KREMEN1: variants seen among roughly 807,000 people sequenced by gnomAD.
The protein encoded by KREMEN1 is kremen protein 1.
A neutral mutation model predicts 46.5 loss-of-function variants in KREMEN1; 30 were observed. The observed-to-expected ratio is 0.65, with a 90% CI of 0.48 to 0.88. The LOEUF is 0.88. KREMEN1 is among the 40% of genes least tolerant of loss of function. KREMEN1 has a pLI of 0.00. For synonymous variants in KREMEN1, 214 were observed against 230.6 expected, an observed-to-expected ratio of 0.93 and a Z score of 0.65; for missense variants, 533 against 596.9, an observed-to-expected ratio of 0.89 and a Z score of 1.11.
At chr22:29,122,721 C>T (rs1056878595) in intron 4 of KREMEN1, among the ~76,000 whole-genome samples, 1 of 151,516 alleles carries the variant, frequency 6.6e-6, no homozygotes, top group Non-Finnish European at 1.5e-5. Context: ...GGGTGGATCA[C>T]GAGGTCAGGA....
At position 29,126,634 on chromosome 22, in the gene KREMEN1, G is replaced by A. The variant is rs142384605; in HGVS notation, c.631+1218G>A. ...TCACAGGTACCAGGTGTTAGGACTC[G>A]AACTTATCTTTCTAGGGGACACAAT... On this transcript the variant is annotated intron_variant, in intron 5 of 8. Coordinates refer to ENST00000400335, the MANE Select transcript of KREMEN1 (RefSeq NM_001039570.3). Among the ~76,000 whole-genome samples, 28 of 152,230 alleles carry A rather than the reference G, an allele frequency of 1.8e-4. 2 individuals are homozygous for A. The highest frequency in any genetic ancestry group is 4.6e-4 in the African/African-American group (19 of 41,528).
chr22:29,094,476 TC>T, intron 2 of KREMEN1, 56 bp downstream of exon 2: 1 of 1,478,382 alleles, frequency 6.8e-7, no homozygotes, highest in South Asian at 1.3e-5. Flanking sequence ...AGTCTCTTCT[TC>T]CAACCCCTTT....
intron 3 of KREMEN1, among the ~76,000 whole-genome samples, chr22:29,117,484 G>A (rs930073973): frequency 1.8e-4 from 28 of 151,896 alleles, no homozygotes; most frequent in East Asian, 9.7e-4. Flanking sequence ...GGAGAATGGC[G>A]TGAACCCGGG....
chr22:29,150,286 G>T (rs757968445), downstream of KREMEN1, among the ~76,000 whole-genome samples: 1 of 152,034 alleles, frequency 6.6e-6, no homozygotes, highest in Non-Finnish European at 1.5e-5. Context: ...CCATCTCCAG[G>T]ACAGCTTGGC....
intron 5 of KREMEN1, among the ~76,000 whole-genome samples, chr22:29,131,576 G>A (rs1228588454): frequency 1.5e-5 from 2 of 129,580 alleles, no homozygotes; most frequent in African/African-American, 7.2e-5. Context: ...GTGTGTGTGT[G>A]TGTGTGTGTG....
intron 9 of KREMEN1, among the ~76,000 whole-genome samples, chr22:29,153,969 C>CA (rs132287): frequency 0.81 from 113,929 of 140,466 alleles, 46,538 homozygotes; most frequent in Non-Finnish European, 0.89. Flanking sequence ...GACTTCCTCT[C>CA]AAAAAAAAAA....
downstream of KREMEN1, among the ~76,000 whole-genome samples, chr22:29,151,766 T>A (rs1306000391): frequency 6.6e-6 from 1 of 151,968 alleles, no homozygotes; most frequent in East Asian, 1.9e-4. Flanking sequence ...TCTCAGCACT[T>A]TGGGAGGCTG....
chr22:29,073,298 C>T lies in KREMEN1; in HGVS notation c.97+71C>T. ...TCGAGGGGCGACAAGGGCCGGCCGGCCTGAGAGCCCCCTCCCTCCCGCTTC... is the reference window on the plus strand; with the variant it reads ...TCGAGGGGCGACAAGGGCCGGCCGGTCTGAGAGCCCCCTCCCTCCCGCTTC... On this transcript the variant is annotated intron_variant, in intron 1 of 8. Coordinates refer to ENST00000400335, the MANE Select transcript of KREMEN1 (RefSeq NM_001039570.3). This position sits in a 1 kb window ranked among gnomAD's most constrained non-coding sequence, Gnocchi z 4.4. 1 of 563,618 alleles carries T rather than the reference C, an allele frequency of 1.8e-6. No individual in the cohort carries two copies. Among genetic ancestry groups the T allele is most frequent in the East Asian group, 5.3e-5 (1 of 18,958 alleles). 34.9% of individuals were successfully genotyped at this position (563,618 alleles called of 1,614,324 possible).
At chr22:29,113,138 C>A (rs552351518) in intron 3 of KREMEN1, among the ~76,000 whole-genome samples, 1 of 152,292 alleles carries the variant, frequency 6.6e-6, no homozygotes, top group Admixed American at 6.5e-5. Context: ...AAAACAAAAA[C>A]CCATGGAATG....
chr22:29,139,334 G>C (rs1378383387), intron 7 of KREMEN1, among the ~76,000 whole-genome samples: 2 of 152,238 alleles, frequency 1.3e-5, no homozygotes, highest in African/African-American at 2.4e-5. Flanking sequence ...AGGTGCAGTG[G>C]CTCATGCCTG....
chr22:29,114,122 G>A (rs1327717087), intron 3 of KREMEN1, among the ~76,000 whole-genome samples: 5 of 152,050 alleles, frequency 3.3e-5, no homozygotes, highest in Non-Finnish European at 5.9e-5. Context: ...GAGGCCCTTG[G>A]GGAGGTAATT....
At position 29,094,433 on chromosome 22, in the gene KREMEN1, C is replaced by G; in HGVS notation, c.260+13C>G. 1 of 1,603,378 alleles carries G rather than the reference C, an allele frequency of 6.2e-7. No individual in the cohort carries two copies. Among genetic ancestry groups the G allele is most frequent in the Non-Finnish European group, 8.5e-7 (1 of 1,175,614 alleles). ...ACAACTATTGCAGGTAAGATGGGGC[C>G]ACTCAGTACTTTAAAAAGATAGATA... On this transcript the variant is annotated intron_variant, in intron 2 of 8. Coordinates refer to ENST00000400335, the MANE Select transcript of KREMEN1 (RefSeq NM_001039570.3).
intron 5 of KREMEN1, among the ~76,000 whole-genome samples, chr22:29,131,756 GTATATATATATGTA>G (rs1162972546): frequency 0.026 from 3,459 of 131,210 alleles, 238 homozygotes; most frequent in African/African-American, 0.1. Context: ...ATGTATATAT[GTATATATATATGTA>G]TATATATATA....
At chr22:29,128,275 T>G (rs2038477173) in intron 5 of KREMEN1, among the ~76,000 whole-genome samples, 1 of 152,228 alleles carries the variant, frequency 6.6e-6, no homozygotes, top group African/African-American at 2.4e-5. Context: ...TATCAGGGTA[T>G]TAAATGCATA....
rs1037338201 is a variant in KREMEN1, at chr22:29,153,774, A to G, written c.1416+11674A>G. ...GGCGGGCGGATCACCTGAGGTCAGG[A>G]ATTTGAGACCAGCCTGGCCAACATG... On this transcript the variant is annotated intron_variant, in intron 9 of 9. Coordinates refer to the KREMEN1 transcript ENST00000327813. Among the ~76,000 whole-genome samples, 21 of 152,182 alleles carry G rather than the reference A, an allele frequency of 1.4e-4. 1 individual carries two copies. Among genetic ancestry groups the G allele is most frequent in the Middle Eastern group, 6.8e-3 (2 of 294 alleles).
downstream of KREMEN1, among the ~76,000 whole-genome samples, chr22:29,147,709 T>C (rs757193875): frequency 6.6e-6 from 1 of 152,194 alleles, no homozygotes; most frequent in Admixed American, 6.5e-5. Context: ...CGGGAGACTC[T>C]ACAGGCCCAG....
chr22:29,073,278 G>T lies in KREMEN1; in HGVS notation c.97+51G>T. 1.2e-6 allele frequency: 1 copy of T among 827,310 alleles called. No homozygotes were observed. Among genetic ancestry groups the T allele is most frequent in the Non-Finnish European group, 1.6e-6 (1 of 638,210 alleles). 51.2% of individuals were successfully genotyped at this position (827,310 alleles called of 1,614,324 possible). Reference sequence around the variant, plus strand: ...CCGCCCTGAGCGGAGCCCACTCGAGGGGCGACAAGGGCCGGCCGGCCTGAG... The same window carrying T: ...CCGCCCTGAGCGGAGCCCACTCGAGTGGCGACAAGGGCCGGCCGGCCTGAG... On this transcript the variant is annotated intron_variant, in intron 1 of 8. Coordinates refer to ENST00000400335, the MANE Select transcript of KREMEN1 (RefSeq NM_001039570.3). This position sits in a 1 kb window ranked among gnomAD's most constrained non-coding sequence, Gnocchi z 4.4.
intron 5 of KREMEN1, among the ~76,000 whole-genome samples, chr22:29,131,243 T>C (rs538036515): frequency 2.6e-5 from 4 of 152,138 alleles, no homozygotes; most frequent in African/African-American, 9.6e-5. Context: ...AGTAACCTGC[T>C]CAAATTCATA....
rs1017951925 is a variant in KREMEN1 at position 29,143,791 on chromosome 22, G to T, written c.*1679G>T. 7.1e-6 allele frequency: 7 copies of T among 984,978 alleles called. No individual in the cohort carries two copies. Among genetic ancestry groups the T allele is most frequent in the Non-Finnish European group, 7.2e-6 (6 of 830,080 alleles). 61.0% of individuals were successfully genotyped at this position (984,978 alleles called of 1,614,324 possible). The stretch of plus-strand genomic sequence containing the variant: ...GCCATCCGTGCTCTCTGCCCCTCCT[G>T]TGGGGACCAAGTGGGGTTAGGAATG... On this transcript the variant is annotated 3_prime_UTR_variant, in exon 9 of 9. Transcript: ENST00000400335.
Sources: gnomAD v4.1 joint callset for allele counts (sites outside exome capture counted in the v4.1 genomes callset) on GRCh38, gnomAD v4.1.1 for gene constraint, Gnocchi (gnomAD v3.1) non-coding constraint, MANE v1.5 for transcripts, NCBI Gene and HGNC (gene_info 2026-07-23, HGNC 2026-07-21) for gene names.